Variants in PRKN observed in about 807,000 individuals in gnomAD.
PRKN encodes the protein parkin RBR E3 ubiquitin protein ligase.
PRKN carries 56 observed loss-of-function variants against 59.5 expected under a neutral mutation model. The observed-to-expected ratio is 0.94, with a 90% CI of 0.76 to 1.18. PRKN has a LOEUF of 1.18. Among genes scored for constraint, PRKN ranks in the 50% most tolerant of loss-of-function variants. The pLI is 0.00. For synonymous variants in PRKN, 250 were observed against 222.1 expected (o/e 1.13, Z -1.12); for missense variants, 657 against 596.4 (o/e 1.10, Z -1.06).
intron 3 of PRKN, among the ~76,000 whole-genome samples, chr6:162,229,224 C>T (rs1778315228): frequency 1.3e-5 from 2 of 152,148 alleles, no homozygotes; most frequent in African/African-American, 4.8e-5. Flanking sequence ...CCTGCTTCTG[C>T]CTAGTCTCCC....
At chr6:161,814,418 C>T (rs1459739717) in intron 6 of PRKN, among the ~76,000 whole-genome samples, 2 of 152,142 alleles carry the variant, frequency 1.3e-5, no homozygotes, top group South Asian at 2.1e-4. Flanking sequence ...GCTAAGGAGG[C>T]CTCACAATTA....
chr6:161,350,994 ATT>A lies in PRKN; in HGVS notation c.1286-785_1286-784del, dbSNP rs1442156586. Among the ~76,000 whole-genome samples, 20 of 51,960 alleles carry A rather than the reference ATT, an allele frequency of 3.8e-4. 3 individuals are homozygous for A. The highest frequency in any genetic ancestry group is 1.2e-3 in the Admixed American group (3 of 2,464). 34.1% of individuals were successfully genotyped at this position (51,960 alleles called of 152,430 possible). A position where few individuals can be genotyped will look rare whatever the true frequency, so the allele number is the denominator to read the frequency against. On this transcript the variant is annotated intron_variant, in intron 11 of 11. Transcript: ENST00000366898. ...ATATAAATATATTTTATATATTTAT[ATT>A]TAAAATATATATAAATATATTTTAT...
At chr6:161,855,415 C>A (rs1171674402) in intron 6 of PRKN, among the ~76,000 whole-genome samples, 2 of 152,198 alleles carry the variant, frequency 1.3e-5, no homozygotes, top group Non-Finnish European at 2.9e-5. Flanking sequence ...TGGATATAAA[C>A]CGTAACTATT....
rs573662755 is a variant in PRKN, at chr6:161,770,823, A to G, written c.871+14949T>C. On this transcript the variant is annotated intron_variant, in intron 7 of 11. Coordinates refer to ENST00000366898, the MANE Select transcript of PRKN (RefSeq NM_004562.3). ...GGCTATTGGTGTAGATCTTCACCCAATCTGACTGGTGTCCTTAGAAGACGA... is the reference window on the plus strand; with the variant it reads ...GGCTATTGGTGTAGATCTTCACCCAGTCTGACTGGTGTCCTTAGAAGACGA... Among the ~76,000 whole-genome samples, 8 of 122,558 alleles carry G rather than the reference A, an allele frequency of 6.5e-5. No individual in the cohort carries two copies. The South Asian group carries it at 1.3e-3, about 20-fold the overall frequency. The allele number at this position is 122,558 out of a possible 152,430, so 80.4% of individuals were successfully genotyped here.
chr6:161,876,662 T>C (rs982439940), intron 6 of PRKN, among the ~76,000 whole-genome samples: 1 of 152,182 alleles, frequency 6.6e-6, no homozygotes, highest in East Asian at 1.9e-4. Context: ...CCAAGATTAA[T>C]ATATCCCTAC....
At chr6:162,216,536 CAAAA>C (rs35025497) in intron 3 of PRKN, among the ~76,000 whole-genome samples, 1,072 of 34,870 alleles carry the variant, frequency 0.031, 9 homozygotes, top group African/African-American at 0.068. Flanking sequence ...GACTCCGTCT[CAAAA>C]AAAAAAAAAA....
chr6:162,099,538 G>A (rs766212743), intron 4 of PRKN, among the ~76,000 whole-genome samples: 54 of 152,090 alleles, frequency 3.6e-4, no homozygotes, highest in Non-Finnish European at 7.1e-4. Flanking sequence ...TGGCATAAAA[G>A]AGGCAACAGG....
intron 4 of PRKN, among the ~76,000 whole-genome samples, chr6:162,123,482 C>T (rs940537417): frequency 7.2e-5 from 11 of 151,904 alleles, no homozygotes; most frequent in African/African-American, 2.4e-4. Flanking sequence ...TCTTCTTTAC[C>T]GCCACTAGTT....
intron 4 of PRKN, among the ~76,000 whole-genome samples, chr6:162,177,766 CT>C (rs1783607363): frequency 6.6e-6 from 1 of 152,096 alleles, no homozygotes; most frequent in Admixed American, 6.6e-5. Context: ...AAAGAGAGTG[CT>C]TTGCACTGGG....
In PRKN at chr6:161,402,203, A is replaced by T. The variant is rs1775521468; in HGVS notation, c.1084-15326T>A. ...GGGTCGTGAGCAGGAGGTGAAGCCA[A>T]ATGCCTTCAGTGACCTGAAAAATGC... On this transcript the variant is annotated intron_variant, in intron 9 of 11. Coordinates refer to ENST00000366898, the MANE Select transcript of PRKN (RefSeq NM_004562.3). The surrounding 1 kb of genome is among the most constrained non-coding windows in gnomAD (Gnocchi z 4.5). Among the ~76,000 whole-genome samples the T allele has an allele frequency of 6.6e-6, 1 of 152,086 alleles. No individual in the cohort carries two copies. Among genetic ancestry groups the T allele is most frequent in the African/African-American group, 2.4e-5 (1 of 41,390 alleles).
intron 2 of PRKN, among the ~76,000 whole-genome samples, chr6:162,379,704 T>C (rs1786323144): frequency 6.6e-6 from 1 of 152,128 alleles, no homozygotes; most frequent in South Asian, 2.1e-4. Context: ...TTCCTTGGCG[T>C]CTCCTGGGGA....
At chr6:162,570,413 C>T (rs975194929) in intron 1 of PRKN, among the ~76,000 whole-genome samples, 1 of 152,104 alleles carries the variant, frequency 6.6e-6, no homozygotes, top group African/African-American at 2.4e-5. Context: ...TTTTGAGGTT[C>T]CTCAAAAACT....
At chr6:161,898,281 C>T (rs1417585729) in intron 6 of PRKN, among the ~76,000 whole-genome samples, 1 of 149,862 alleles carries the variant, frequency 6.7e-6, no homozygotes, top group Non-Finnish European at 1.5e-5. Flanking sequence ...AAGTATTTTA[C>T]TTAAAGTTTC....
At chr6:162,080,805 T>C (rs1779026735) in intron 4 of PRKN, among the ~76,000 whole-genome samples, 2 of 152,186 alleles carry the variant, frequency 1.3e-5, no homozygotes, top group South Asian at 2.1e-4. Context: ...GATTTCTCTG[T>C]AGCATGTCAT....
At chr6:162,332,435 A>C (rs1583394522) in intron 2 of PRKN, among the ~76,000 whole-genome samples, 1 of 152,230 alleles carries the variant, frequency 6.6e-6, no homozygotes, top group Non-Finnish European at 1.5e-5. Context: ...CCCTAAGTAA[A>C]GCCTCAATCC....
At chr6:162,687,827 AT>A (rs1777629288) in intron 1 of PRKN, among the ~76,000 whole-genome samples, 1 of 152,192 alleles carries the variant, frequency 6.6e-6, no homozygotes. Context: ...ATGCAATTTG[AT>A]TCTCAGCATG....
chr6:161,447,725 C>A lies in PRKN; in HGVS notation c.1084-60848G>T, dbSNP rs1317004789. On this transcript the variant is annotated intron_variant, in intron 9 of 11. Transcript: ENST00000366898. This position sits in a 1 kb window ranked among gnomAD's most constrained non-coding sequence, Gnocchi z 4.1. ...AGCTAGGATGGTCTCGATCTCCTGACCTCATGATCAGCCCGCCTCGGCCTC... is the reference window on the plus strand; with the variant it reads ...AGCTAGGATGGTCTCGATCTCCTGAACTCATGATCAGCCCGCCTCGGCCTC... 2.0e-5 allele frequency among the ~76,000 whole-genome samples: 3 copies of A among 152,166 alleles called. No homozygotes were observed. The highest frequency in any genetic ancestry group is 4.4e-5 in the Non-Finnish European group (3 of 68,032).
At position 161,409,329 on chromosome 6, in the gene PRKN, G is replaced by A. The variant is rs910977958; in HGVS notation, c.1084-22452C>T. ...ATTTTGGACAGAAAATCTCTGAGAC[G>A]ATGACAGCATTGTGTGTTCTCTAAA... On this transcript the variant is annotated intron_variant, in intron 9 of 11. Transcript: ENST00000366898. The surrounding 1 kb of genome is among the most constrained non-coding windows in gnomAD (Gnocchi z 4.6). 3.3e-5 allele frequency among the ~76,000 whole-genome samples: 5 copies of A among 152,166 alleles called. No individual in the cohort carries two copies. The highest frequency in any genetic ancestry group is 9.7e-5 in the African/African-American group (4 of 41,430).
intron 6 of PRKN, among the ~76,000 whole-genome samples, chr6:161,802,169 A>C (rs961848807): frequency 1.3e-5 from 2 of 152,056 alleles, no homozygotes; most frequent in African/African-American, 2.4e-5. Flanking sequence ...CAGCAACCAG[A>C]AGATGCTTTC....
Sources: allele counts gnomAD v4.1 joint callset (sites outside exome capture counted in the v4.1 genomes callset), GRCh38; gene constraint gnomAD v4.1.1; non-coding constraint Gnocchi (gnomAD v3.1); transcripts MANE v1.5; gene names NCBI Gene and HGNC (gene_info 2026-07-23, HGNC 2026-07-21).